GALNT15: variants seen among roughly 807,000 people sequenced by gnomAD.
The protein encoded by GALNT15 is UDP-GalNAc transferase T15.
GALNT15 carries 67 observed loss-of-function variants against 66.8 expected under a neutral mutation model. That is an observed-to-expected ratio of 1.00 (90% CI 0.82 to 1.23). The LOEUF is 1.23. GALNT15 is among the 50% of genes most tolerant of loss of function. GALNT15 has a pLI of 0.00. For synonymous variants in GALNT15, 313 were observed against 311.5 expected (o/e 1.00, Z -0.05); for missense variants, 827 against 804.3 (o/e 1.03, Z -0.34).
chr3:16,216,430 T>G, intron 6 of GALNT15, among the ~76,000 whole-genome samples: 2 of 146,184 alleles, frequency 1.4e-5, no homozygotes, highest in East Asian at 2.0e-4. Flanking sequence ...GCTAGGGAGG[T>G]GGAGTTTGTA....
chr3:16,175,207 T>C lies in GALNT15; in HGVS notation c.56T>C (p.Leu19Pro). The C allele has an allele frequency of 1.9e-6, 3 of 1,614,186 alleles. No homozygotes were observed. Among genetic ancestry groups the C allele is most frequent in the Non-Finnish European group, 2.5e-6 (3 of 1,180,028 alleles). Residue 19 changes from leucine to proline, a missense_variant, in exon 1 of 10, where the codon CTG (leucine) becomes CCG (proline). Leu to Pro is a moderately conservative substitution (Grantham distance 98). Coordinates refer to ENST00000339732, the MANE Select transcript of GALNT15 (RefSeq NM_054110.5). The surrounding 1 kb of genome is among the most constrained non-coding windows in gnomAD (Gnocchi z 5.6). ...CCATGCAGACTCCAGTTCCTCCTGCTGCTCCTGATGCTGGGATGCGTCCTG... is the reference window on the plus strand; with the variant it reads ...CCATGCAGACTCCAGTTCCTCCTGCCGCTCCTGATGCTGGGATGCGTCCTG... ...HRPCRLQFLL[L>P]LLMLGCVLMM...
chr3:16,216,915 T>C (rs1328786292), intron 6 of GALNT15, among the ~76,000 whole-genome samples: 4 of 152,212 alleles, frequency 2.6e-5, no homozygotes, highest in Non-Finnish European at 5.9e-5. Flanking sequence ...TTTCTATCTG[T>C]TGGGAGACTG....
chr3:16,208,432 T>C, intron 3 of GALNT15, 71 bp from the exon 4 acceptor site: 3 of 1,533,864 alleles, frequency 2.0e-6, no homozygotes, highest in South Asian at 1.2e-5. Flanking sequence ...GGGCAGCCCA[T>C]GTACAGACTG....
chr3:16,197,043 G>T (rs903941593), intron 2 of GALNT15, among the ~76,000 whole-genome samples: 4 of 152,228 alleles, frequency 2.6e-5, no homozygotes, highest in African/African-American at 4.8e-5. Flanking sequence ...TGCATATTAG[G>T]CAGGACTAAT....
chr3:16,245,091 A>T, the GALNT15 span, among the ~76,000 whole-genome samples: 1 of 152,186 alleles, frequency 6.6e-6, no homozygotes, highest in Non-Finnish European at 1.5e-5. Flanking sequence ...TCAGTCACTG[A>T]GGGGATGGGA....
Position 16,228,940 on chromosome 3 carries a change from A to G in GALNT15, c.*1440A>G, listed in dbSNP as rs2064052824. Reference sequence around the variant, plus strand: ...AGCACAGCTGAGGCTAGTAAGAGCTAAATGACTTTCCTTGCTATGACTTGG... The same window carrying G: ...AGCACAGCTGAGGCTAGTAAGAGCTGAATGACTTTCCTTGCTATGACTTGG... On this transcript the variant is annotated 3_prime_UTR_variant, in exon 10 of 10. Coordinates refer to ENST00000339732, the MANE Select transcript of GALNT15 (RefSeq NM_054110.5). 1 of 985,338 alleles carries G rather than the reference A, an allele frequency of 1.0e-6. No homozygotes were observed. The highest frequency in any genetic ancestry group is 1.2e-6 in the Non-Finnish European group (1 of 829,952). 61.0% of individuals were successfully genotyped at this position (985,338 alleles called of 1,614,324 possible).
At position 16,197,884 on chromosome 3, in the gene GALNT15, G is replaced by A. The variant is rs112966700; in HGVS notation, c.706+1958G>A. On this transcript the variant is annotated intron_variant, in intron 2 of 9. Coordinates refer to ENST00000339732, the MANE Select transcript of GALNT15 (RefSeq NM_054110.5). ...ACCCACTTCAAAACCCTCTGAGAAT[G>A]CCAAACAACCATCGCAGTCTGGAAG... 5.3e-5 allele frequency among the ~76,000 whole-genome samples: 8 copies of A among 152,242 alleles called. 1 individual carries two copies. Among genetic ancestry groups the A allele is most frequent in the African/African-American group, 1.9e-4 (8 of 41,542 alleles).
At position 16,174,988 on chromosome 3, in the gene GALNT15, G is replaced by A. The variant is rs878893810; in HGVS notation, c.-164G>A. The A allele has an allele frequency of 1.6e-6, 1 of 623,430 alleles. No homozygotes were observed. Among genetic ancestry groups the A allele is most frequent in the Non-Finnish European group, 2.8e-6 (1 of 359,786 alleles). 38.6% of individuals were successfully genotyped at this position (623,430 alleles called of 1,614,324 possible). On this transcript the variant is annotated 5_prime_UTR_variant, in exon 1 of 10. Transcript: ENST00000339732. The surrounding 1 kb of genome is among the most constrained non-coding windows in gnomAD (Gnocchi z 4.7). ...GTTTTCTGATTGTAAGTGGAAGCAG[G>A]TCTTGCACACGCTGTTGGCAAATGT...
rs563773456 is a variant in GALNT15, at chr3:16,220,186, C to A, written c.1629+172C>A. 290 of 616,898 alleles carry A rather than the reference C, an allele frequency of 4.7e-4. 1 individual carries two copies. The highest frequency in any genetic ancestry group is 2.7e-3 in the African/African-American group (146 of 54,612). 38.2% of individuals were successfully genotyped at this position (616,898 alleles called of 1,614,324 possible). ...TGACTCATCACAGCTCTCCTCACCT[C>A]ACCTCCATCTGTAAGCACAGACATG... On this transcript the variant is annotated intron_variant, in intron 8 of 9. Transcript: ENST00000339732.
chr3:16,177,514 T>C (rs749578379), intron 1 of GALNT15, among the ~76,000 whole-genome samples: 10 of 152,264 alleles, frequency 6.6e-5, no homozygotes, highest in Non-Finnish European at 1.5e-4. Context: ...TACATGCAGG[T>C]ACTGCGTTAT....
At chr3:16,220,118 C>A in intron 8 of GALNT15, 104 bp downstream of exon 8, 2 of 879,788 alleles carry the variant, frequency 2.3e-6, no homozygotes, top group South Asian at 1.4e-5. Context: ...TATCTTCTTT[C>A]TGTGGTCCCA....
chr3:16,185,754 GATA>G (rs2063509969), intron 1 of GALNT15, among the ~76,000 whole-genome samples: 3 of 66,246 alleles, frequency 4.5e-5, no homozygotes, highest in Non-Finnish European at 9.9e-5. Flanking sequence ...CAGACAGATA[GATA>G]GATAGATAGA....
chr3:16,205,833 A>AGAG (rs1172959943), intron 3 of GALNT15, among the ~76,000 whole-genome samples: 8 of 152,218 alleles, frequency 5.3e-5, no homozygotes, highest in Non-Finnish European at 1.2e-4. Flanking sequence ...CTGACATTTT[A>AGAG]TTCTTTATCT....
At chr3:16,185,024 G>A (rs371149643) in intron 1 of GALNT15, among the ~76,000 whole-genome samples, 6 of 152,174 alleles carry the variant, frequency 3.9e-5, no homozygotes, top group African/African-American at 9.7e-5. Flanking sequence ...AAGTTGGGCC[G>A]TCCTGTATCA....
In GALNT15 at chr3:16,219,345, T is replaced by C; in HGVS notation, c.1393-58T>C. 1.3e-6 allele frequency: 2 copies of C among 1,598,904 alleles called. No individual in the cohort carries two copies. The highest frequency in any genetic ancestry group is 8.5e-7 in the Non-Finnish European group (1 of 1,172,344). Reference sequence around the variant, plus strand: ...TTCCCAGCCACTCCATCCCCAACCATGTGAATTCTGGGCAAGACAAGCTTT... The same window carrying C: ...TTCCCAGCCACTCCATCCCCAACCACGTGAATTCTGGGCAAGACAAGCTTT... On this transcript the variant is annotated intron_variant, in intron 6 of 9. Coordinates refer to ENST00000339732, the MANE Select transcript of GALNT15 (RefSeq NM_054110.5). This position sits in a 1 kb window ranked among gnomAD's most constrained non-coding sequence, Gnocchi z 4.3.
chr3:16,220,785 C>G (rs528691201), intron 8 of GALNT15, among the ~76,000 whole-genome samples: 6 of 152,344 alleles, frequency 3.9e-5, no homozygotes, highest in African/African-American at 1.4e-4. Flanking sequence ...TGTGGTCCAG[C>G]CCTGCATGGA....
chr3:16,241,498 G>T, the GALNT15 span, among the ~76,000 whole-genome samples: 695 of 152,202 alleles, frequency 4.6e-3, 13 homozygotes, highest in East Asian at 0.07. This position sits in a 1 kb window ranked among gnomAD's most constrained non-coding sequence, Gnocchi z 4.6. Context: ...GTTATCTTTT[G>T]CTGCATAACA....
rs946540230 is a variant in GALNT15, at chr3:16,187,945, G to T, written c.540-7815G>T. On this transcript the variant is annotated intron_variant, in intron 1 of 9. Coordinates refer to ENST00000339732, the MANE Select transcript of GALNT15 (RefSeq NM_054110.5). The surrounding 1 kb of genome is among the most constrained non-coding windows in gnomAD (Gnocchi z 5.1). ...AAAACAAATCATAGACTCAAAGGTG[G>T]AAGGATCTTTAGATATTACACAGTG... Among the ~76,000 whole-genome samples the T allele has an allele frequency of 3.9e-5, 6 of 152,302 alleles. No homozygotes were observed. Among genetic ancestry groups the T allele is most frequent in the African/African-American group, 9.6e-5 (4 of 41,554 alleles).
At chr3:16,215,917 A>AACAAAC (rs1429970883) in intron 6 of GALNT15, among the ~76,000 whole-genome samples, 1 of 143,304 alleles carries the variant, frequency 7.0e-6, no homozygotes, top group Non-Finnish European at 1.5e-5. Context: ...AAAAAAAAAA[A>AACAAAC]AAAAAAAAGA....
Sources: gnomAD v4.1 joint callset for allele counts (sites outside exome capture counted in the v4.1 genomes callset) on GRCh38, gnomAD v4.1.1 for gene constraint, Gnocchi (gnomAD v3.1) non-coding constraint, MANE v1.5 for transcripts, NCBI Gene and HGNC (gene_info 2026-07-23, HGNC 2026-07-21) for gene names.